Variants in FRY observed in about 807,000 individuals in gnomAD.
FRY encodes FRY microtubule binding protein.
In FRY, 128 loss-of-function variants were observed where a neutral mutation model predicts 348.4. The observed-to-expected ratio is 0.37, with a 90% CI of 0.32 to 0.43. The LOEUF (loss-of-function observed/expected upper bound fraction) is 0.43, where lower values mean the gene tolerates loss of function less well. FRY is among the 20% of genes least tolerant of loss of function. The pLI is 1.00. For missense variants in FRY, 2,736 were observed against 3,695.2 expected (o/e 0.74, Z 6.73); for synonymous variants, 1,370 against 1,374.7 (o/e 1.00, Z 0.08).
In FRY at chr13:32,178,183, T is replaced by C. The variant is rs775308579; in HGVS notation, c.2428T>C (p.Leu810=). ...CTACCTCTTATACCTACAGGCAACA[T>C]TACCACTCACCCACAATGTGGATCT... ...IHVAVSDSAT[L]PLTHNVDLQW... The change falls in exon 21 of 61, where the codon TTA becomes CTA. Residue 810 remains leucine, a synonymous_variant. Coordinates refer to ENST00000542859, the MANE Select transcript of FRY (RefSeq NM_023037.3). 1.2e-5 allele frequency: 19 copies of C among 1,614,188 alleles called. No individual in the cohort carries two copies. The highest frequency in any genetic ancestry group is 2.2e-5 in the South Asian group (2 of 91,086).
Position 32,115,851 on chromosome 13 carries a change from A to G in FRY, c.325-1483A>G, listed in dbSNP as rs117632726. 1.6e-3 allele frequency among the ~76,000 whole-genome samples: 244 copies of G among 152,116 alleles called. 1 individual carries two copies. The highest frequency in any genetic ancestry group is 3.1e-3 in the Non-Finnish European group (212 of 67,976). On this transcript the variant is annotated intron_variant, in intron 3 of 60. Transcript: ENST00000542859. The stretch of plus-strand genomic sequence containing the variant: ...TTTCACATGCACTCTATATGTTAGT[A>G]TGTTTCCTTCTGGTCCTGTTTTCTG...
chr13:32,139,100 A>G (rs1019132506), intron 11 of FRY, among the ~76,000 whole-genome samples: 4 of 152,240 alleles, frequency 2.6e-5, no homozygotes, highest in Non-Finnish European at 1.5e-5. Flanking sequence ...TATTGCATAT[A>G]TTTAGAACTA....
At chr13:32,075,759 T>C (rs1486785465) in intron 1 of FRY, among the ~76,000 whole-genome samples, 1 of 152,126 alleles carries the variant, frequency 6.6e-6, no homozygotes, top group African/African-American at 2.4e-5. Flanking sequence ...ATGAAGAGGG[T>C]TACTGAAACT....
At chr13:32,075,264 A>G (rs1255422307) in intron 1 of FRY, among the ~76,000 whole-genome samples, 2 of 151,900 alleles carry the variant, frequency 1.3e-5, no homozygotes, top group Non-Finnish European at 2.9e-5. Flanking sequence ...CACCTTTTTT[A>G]CCTTTCTGTG....
intron 55 of FRY, 128 bp downstream of exon 55, chr13:32,267,487 AAATTTCCTCTG>A: frequency 1.3e-6 from 1 of 771,052 alleles, no homozygotes; most frequent in Non-Finnish European, 2.2e-6. Context: ...AGACACCCCT[AAATTTCCTCTG>A]ACTTTGAAAT....
chr13:32,290,644 C>T (rs763152326), intron 59 of FRY, among the ~76,000 whole-genome samples: 3 of 152,042 alleles, frequency 2.0e-5, no homozygotes, highest in Admixed American at 1.3e-4. Flanking sequence ...ATCTCTCTGG[C>T]AGCTATGCGG....
intron 59 of FRY, among the ~76,000 whole-genome samples, chr13:32,290,140 T>C (rs1889263920): frequency 6.6e-6 from 1 of 152,190 alleles, no homozygotes; most frequent in African/African-American, 2.4e-5. Context: ...GAAGGAAATG[T>C]CTGTATGATG....
At chr13:32,133,403 A>G (rs951955835) in intron 8 of FRY, among the ~76,000 whole-genome samples, 2 of 152,118 alleles carry the variant, frequency 1.3e-5, no homozygotes, top group Non-Finnish European at 2.9e-5. Flanking sequence ...CATGACAAAC[A>G]CTCAGTAACT....
At chr13:32,156,715 G>A (rs1057202258) in intron 15 of FRY, among the ~76,000 whole-genome samples, 8 of 151,646 alleles carry the variant, frequency 5.3e-5, no homozygotes, top group South Asian at 2.1e-4. Flanking sequence ...TGTATAATTC[G>A]TATACACATT....
intron 2 of FRY, among the ~76,000 whole-genome samples, chr13:32,084,667 A>G (rs1593594457): frequency 2.0e-5 from 3 of 152,364 alleles, no homozygotes; most frequent in African/African-American, 4.8e-5. Context: ...AGTAATTAGT[A>G]TAGACTAAAC....
intron 11 of FRY, among the ~76,000 whole-genome samples, chr13:32,138,288 A>G (rs759677619): frequency 1.3e-5 from 2 of 152,080 alleles, no homozygotes; most frequent in African/African-American, 2.4e-5. Flanking sequence ...TAGTCACTTT[A>G]TTGAAAACAG....
At chr13:32,261,445 G>A (rs1238675996) in intron 51 of FRY, 171 bp from the exon 52 acceptor site, 10 of 769,174 alleles carry the variant, frequency 1.3e-5, no homozygotes, top group Non-Finnish European at 2.4e-5. Flanking sequence ...AAAATAGTGT[G>A]CTTTTACTAC....
Position 32,178,917 on chromosome 13 carries a change from C to G in FRY, c.2755C>G (p.Leu919Val), listed in dbSNP as rs752547688. The G allele has an allele frequency of 3.7e-6, 6 of 1,613,100 alleles. No individual in the cohort carries two copies. In the East Asian group the frequency reaches 1.3e-4, roughly 36 times the overall value. Residue 919 changes from leucine to valine, a missense_variant, in exon 22 of 61, where the codon CTA becomes GTA. By Grantham distance (32) the Leu-to-Val change is conservative. This residue lies in a region of FRY where 449 missense variants were observed against 576.9 expected (regional missense o/e 0.78). Transcript: ENST00000542859. The part of the protein sequence containing the change: ...DNYVTLWRNY[L>V]ILCFGVAKPS... ...CTATGTTACTTTGTGGAGAAATTAC[C>G]TAATTCTTTGTTTTGGAGTTGCAAA... is the stretch of plus-strand genomic sequence containing the variant.
intron 1 of FRY, among the ~76,000 whole-genome samples, chr13:32,067,350 C>T (rs946524966): frequency 2.0e-5 from 3 of 148,366 alleles, no homozygotes; most frequent in East Asian, 3.9e-4. Context: ...ACTTTCAGTT[C>T]GTTTTTTTTT....
chr13:32,286,189 A>T (rs993706379), intron 58 of FRY, among the ~76,000 whole-genome samples: 1 of 152,122 alleles, frequency 6.6e-6, no homozygotes, highest in Non-Finnish European at 1.5e-5. Context: ...GTTCTTATTT[A>T]CTGTACCTTA....
In FRY at chr13:32,247,404, C is replaced by G; in HGVS notation, c.6910C>G (p.His2304Asp). The change falls in exon 48 of 61, where the codon CAC becomes GAC. Residue 2304 changes from histidine (H) to aspartate (D), a missense_variant. His to Asp is a moderately conservative substitution (Grantham distance 81, BLOSUM62 -1). Transcript: ENST00000542859. ...CAGCCTTGTTTTACCTTCATACCAGCACAGTGACCTCTCAAAAATAGAAAT... is the reference window on the plus strand; with the variant it reads ...CAGCCTTGTTTTACCTTCATACCAGGACAGTGACCTCTCAAAAATAGAAAT... ...SASLVLPSYQ[H>D]SDLSKIEIHR... 6.2e-7 allele frequency: 1 copy of G among 1,612,816 alleles called. No individual in the cohort carries two copies. The highest frequency in any genetic ancestry group is 1.3e-5 in the African/African-American group (1 of 75,018).
At chr13:32,189,842 A>G (rs1228025372) in intron 28 of FRY, among the ~76,000 whole-genome samples, 2 of 152,112 alleles carry the variant, frequency 1.3e-5, no homozygotes, top group African/African-American at 4.8e-5. Context: ...GTAGCAAGAA[A>G]GAAAATTAAA....
chr13:32,243,063 G>A (rs1886600258), intron 46 of FRY, among the ~76,000 whole-genome samples: 1 of 151,968 alleles, frequency 6.6e-6, no homozygotes, highest in Non-Finnish European at 1.5e-5. Flanking sequence ...TTTTTAAAAA[G>A]AAAAGAAAAA....
chr13:32,279,820 T>C (rs1349690798), intron 58 of FRY, among the ~76,000 whole-genome samples: 4 of 152,302 alleles, frequency 2.6e-5, no homozygotes. Context: ...CCATTCCAAT[T>C]TGGTATTTGT....
Sources: allele counts gnomAD v4.1 joint callset (sites outside exome capture counted in the v4.1 genomes callset), GRCh38; gene constraint gnomAD v4.1.1; regional missense constraint gnomAD v4.1.1; transcripts MANE v1.5; gene names NCBI Gene and HGNC (gene_info 2026-07-23, HGNC 2026-07-21).